The following MYOF variants were observed in gnomAD, a reference collection of about 807,000 sequenced individuals.
MYOF encodes the protein fer-1-like 3, myoferlin.
MYOF carries 244 observed loss-of-function variants against 284.2 expected under a neutral mutation model. That is an observed-to-expected ratio of 0.86 (90% CI 0.77 to 0.95). MYOF has a LOEUF of 0.95. MYOF is among the 40% of genes least tolerant of loss of function. The pLI is 0.00. For synonymous variants in MYOF, 904 were observed against 919.7 expected, an observed-to-expected ratio of 0.98 and a Z score of 0.31; for missense variants, 2,496 against 2,560.6, an observed-to-expected ratio of 0.97 and a Z score of 0.54.
In MYOF at chr10:93,401,476, A is replaced by G. The variant is rs755422254; in HGVS notation, c.1059T>C (p.Ile353=). 1.2e-6 allele frequency: 2 copies of G among 1,614,092 alleles called. No homozygotes were observed. Among genetic ancestry groups the G allele is most frequent in the East Asian group, 2.2e-5 (1 of 44,898 alleles). Residue 353 remains isoleucine, a synonymous_variant, in exon 12 of 54, where the codon ATT becomes ATC. Transcript: ENST00000359263. ...VESNLLLPAG[I]ALRWVTFLLK... is the part of the protein sequence containing the mutation. ...GCAAGAAGGTCACCCACCGGAGGGC[A>G]ATGCCAGCAGGGAGTAACAAATTAC...
intron 1 of MYOF, among the ~76,000 whole-genome samples, chr10:93,472,466 C>T (rs533677529): frequency 2.0e-5 from 3 of 152,016 alleles, no homozygotes; most frequent in Non-Finnish European, 4.4e-5. Context: ...TAGTGAAACC[C>T]CTCCTCTACT....
At chr10:93,317,027 AAAG>A (rs1263977536) in intron 49 of MYOF, among the ~76,000 whole-genome samples, 4 of 151,462 alleles carry the variant, frequency 2.6e-5, no homozygotes, top group Admixed American at 6.6e-5. Context: ...GGTTTTTCCC[AAAG>A]AAGATTTCCT....
chr10:93,355,575 G>C, intron 31 of MYOF, 53 bp downstream of exon 31: 5 of 1,453,878 alleles, frequency 3.4e-6, no homozygotes, highest in Non-Finnish European at 4.7e-6. Flanking sequence ...GCCAGACTCA[G>C]TCTTGAAAAA....
At chr10:93,429,613 G>A (rs1848744140) in intron 4 of MYOF, among the ~76,000 whole-genome samples, 1 of 152,188 alleles carries the variant, frequency 6.6e-6, no homozygotes, top group Non-Finnish European at 1.5e-5. Flanking sequence ...GCTGATTTGT[G>A]GCAAATCTAT....
At chr10:93,340,974 T>C (rs960722016) in intron 38 of MYOF, among the ~76,000 whole-genome samples, 30 of 152,174 alleles carry the variant, frequency 2.0e-4, no homozygotes, top group African/African-American at 6.0e-4. Flanking sequence ...CCGGTTGCCA[T>C]GTGAGAGGCC....
intron 1 of MYOF, among the ~76,000 whole-genome samples, chr10:93,463,989 T>C (rs1035159774): frequency 9.9e-5 from 15 of 152,176 alleles, no homozygotes; most frequent in African/African-American, 3.1e-4. Flanking sequence ...GCTATGGTGG[T>C]GTCTAATTGT....
chr10:93,456,315 G>A (rs2056744179), intron 2 of MYOF, among the ~76,000 whole-genome samples: 1 of 152,172 alleles, frequency 6.6e-6, no homozygotes, highest in Non-Finnish European at 1.5e-5. Context: ...CATCACAGAT[G>A]TTAATAGTAG....
intron 2 of MYOF, among the ~76,000 whole-genome samples, chr10:93,453,178 T>TC (rs1358325463): frequency 1.3e-5 from 2 of 151,672 alleles, no homozygotes; most frequent in Non-Finnish European, 2.9e-5. Flanking sequence ...AGCTAATTTT[T>TC]TTTTTGAGAC....
chr10:93,386,726 A>T (rs1183701163), intron 19 of MYOF, among the ~76,000 whole-genome samples: 4 of 152,218 alleles, frequency 2.6e-5, no homozygotes, highest in Non-Finnish European at 5.9e-5. Context: ...CTGGGAGTCA[A>T]TGAGCAAGGC....
In MYOF at chr10:93,377,365, T is replaced by A. The variant is rs1845881234; in HGVS notation, c.2066A>T (p.Glu689Val). 6.2e-7 allele frequency: 1 copy of A among 1,614,154 alleles called. No individual in the cohort carries two copies. The highest frequency in any genetic ancestry group is 8.5e-7 in the Non-Finnish European group (1 of 1,180,008). The change falls in exon 22 of 54, where the codon GAA becomes GTA. Residue 689 changes from glutamate (E) to valine (V), a missense_variant. Around this residue, in one of 3 missense-constraint regions of MYOF, gnomAD observed 2,436 missense variants for 2,480.7 expected, o/e 0.98. Transcript: ENST00000359263. ...TTCATCTATCAGCTTCAGCCACAAT[T>A]CAGCCAGCTGGTTTGCAGGAATTTT... ...QGKIPANQLA[E>V]LWLKLIDEVI...
At chr10:93,446,898 G>T (rs1371616108) in intron 3 of MYOF, among the ~76,000 whole-genome samples, 1 of 151,944 alleles carries the variant, frequency 6.6e-6, no homozygotes, top group Non-Finnish European at 1.5e-5. Context: ...TTGTATTTTA[G>T]TAGAGACAGG....
intron 3 of MYOF, among the ~76,000 whole-genome samples, chr10:93,434,478 A>G (rs919458835): frequency 1.6e-4 from 25 of 151,990 alleles, no homozygotes; most frequent in Non-Finnish European, 2.9e-4. Flanking sequence ...GCAATGGAAA[A>G]GAAAATTTTT....
At chr10:93,381,976 G>T (rs1415973590) in intron 19 of MYOF, among the ~76,000 whole-genome samples, 1 of 152,140 alleles carries the variant, frequency 6.6e-6, no homozygotes, top group Non-Finnish European at 1.5e-5. Context: ...GGTAGAGGTT[G>T]CAGTGAGCCG....
intron 1 of MYOF, among the ~76,000 whole-genome samples, chr10:93,469,102 T>C (rs2057078373): frequency 6.6e-6 from 1 of 152,140 alleles, no homozygotes; most frequent in Non-Finnish European, 1.5e-5. Context: ...GGAGAACAGA[T>C]AAGATTATAC....
intron 5 of MYOF, among the ~76,000 whole-genome samples, chr10:93,425,008 G>A (rs572479878): frequency 1.4e-4 from 18 of 129,844 alleles, no homozygotes; most frequent in South Asian, 2.5e-4. Flanking sequence ...GCACAATCTC[G>A]GCTCACTGAA....
At chr10:93,308,157 C>T (rs571276687) in intron 53 of MYOF, among the ~76,000 whole-genome samples, 7 of 149,818 alleles carry the variant, frequency 4.7e-5, no homozygotes, top group South Asian at 2.1e-4. Context: ...GCTGGAGAAT[C>T]GCTTGAACCT....
intron 3 of MYOF, among the ~76,000 whole-genome samples, chr10:93,434,237 C>G (rs1379719372): frequency 6.6e-6 from 1 of 151,970 alleles, no homozygotes; most frequent in Non-Finnish European, 1.5e-5. Context: ...TCAAGACCAG[C>G]CTGGCCAACA....
At chr10:93,386,745 T>C (rs1846384815) in intron 19 of MYOF, among the ~76,000 whole-genome samples, 2 of 152,182 alleles carry the variant, frequency 1.3e-5, no homozygotes, top group Admixed American at 1.3e-4. Context: ...GCCACATTGC[T>C]CTGGGGAAGA....
chr10:93,416,675 G>A (rs1848136807), intron 5 of MYOF, among the ~76,000 whole-genome samples: 1 of 145,312 alleles, frequency 6.9e-6, no homozygotes, highest in South Asian at 2.2e-4. Flanking sequence ...TTGGCTCACT[G>A]CATCCTTCAC....
Sources: allele counts gnomAD v4.1 joint callset (sites outside exome capture counted in the v4.1 genomes callset), GRCh38; gene constraint gnomAD v4.1.1; regional missense constraint gnomAD v4.1.1; transcripts MANE v1.5; gene names NCBI Gene and HGNC (gene_info 2026-07-23, HGNC 2026-07-21).